Variants in ZNF142 observed in about 807,000 individuals in gnomAD.
The protein encoded by ZNF142 is zinc finger protein 142, also known as zinc finger protein 142 (clone pHZ-49).
ZNF142 carries 96 observed loss-of-function variants against 132.1 expected under a neutral mutation model. The observed-to-expected ratio is 0.73, with a 90% CI of 0.62 to 0.86. The LOEUF is 0.86. Among genes scored for constraint, ZNF142 ranks in the 40% least tolerant of loss-of-function variants. ZNF142 has a pLI of 0.00. For missense variants in ZNF142, 2,163 were observed against 2,336.2 expected, an observed-to-expected ratio of 0.93 and a Z score of 1.53; for synonymous variants, 842 against 890.1, an observed-to-expected ratio of 0.95 and a Z score of 0.96.
In ZNF142 at chr2:218,637,598, C is replaced by T. The variant is rs1696835622; in HGVS notation, c.*741G>A. ...TTTCCATAGTATCCTTGTGCTTTAA[C>T]ACCTTAGTGTAGCTGCTGAGCCAGT... On this transcript the variant is annotated 3_prime_UTR_variant, in exon 11 of 11. Coordinates refer to ENST00000411696, the MANE Select transcript of ZNF142 (RefSeq NM_001379659.1). 6.6e-6 allele frequency among the ~76,000 whole-genome samples: 1 copy of T among 152,212 alleles called. No individual in the cohort carries two copies. The highest frequency in any genetic ancestry group is 2.4e-5 in the African/African-American group (1 of 41,460).
intron 9 of ZNF142, among the ~76,000 whole-genome samples, chr2:218,641,265 GAGA>G (rs1697166386): frequency 2.3e-5 from 1 of 44,226 alleles, no homozygotes; most frequent in African/African-American, 1.0e-4. Context: ...TTTTTTTTTT[GAGA>G]TGGAGTCTCG....
chr2:218,644,958 C>A lies in ZNF142; in HGVS notation c.2158G>T (p.Ala720Ser). The stretch of plus-strand genomic sequence containing the variant: ...TGCAGCTCATACTTCCGCTTGCAGG[C>A]GAAGGCACACACCTCACACATCAGA... ...KSLMCEVCAF[A>S]CKRKYELQKH... Residue 720 changes from alanine (A) to serine (S), a missense_variant, in exon 9 of 11, where the codon GCC becomes TCC. By Grantham distance (99) the Ala-to-Ser change is moderately conservative (BLOSUM62 1). Coordinates refer to ENST00000411696, the MANE Select transcript of ZNF142 (RefSeq NM_001379659.1). The surrounding 1 kb of genome is among the most constrained non-coding windows in gnomAD (Gnocchi z 4.6). 1 of 1,614,134 alleles carries A rather than the reference C, an allele frequency of 6.2e-7. No individual in the cohort carries two copies. Among genetic ancestry groups the A allele is most frequent in the Non-Finnish European group, 8.5e-7 (1 of 1,180,032 alleles).
rs2106217596 is a variant in ZNF142 at position 218,644,110 on chromosome 2, T to C, written c.3006A>G (p.Ser1002=). The C allele has an allele frequency of 2.5e-6, 4 of 1,614,106 alleles. No individual in the cohort carries two copies. The highest frequency in any genetic ancestry group is 3.4e-6 in the Non-Finnish European group (4 of 1,180,000). Residue 1002 remains serine, a synonymous_variant, in exon 9 of 11, where the codon TCA becomes TCG. Transcript: ENST00000411696. The surrounding 1 kb of genome is among the most constrained non-coding windows in gnomAD (Gnocchi z 4.6). ...APLPPLPESE[S]LLKALRRQDK... ...CCTGTCTCCTTAGGGCCTTGAGTAATGACTCTGACTCAGGTAATGGGGGCA... is the reference window on the plus strand; with the variant it reads ...CCTGTCTCCTTAGGGCCTTGAGTAACGACTCTGACTCAGGTAATGGGGGCA...
chr2:218,651,935 GC>G lies in ZNF142; in HGVS notation c.645del (p.Arg215SerfsTer44). ...GGCACAGGAACTGCTCTGTGAGTCT[GC>G]CTCAGGTGGTGCTGCAGACCCTTGC... is the stretch of plus-strand genomic sequence containing the variant. Reference protein sequence around the residue: ...EDRKGLQHHLRQTHRAVPVPC... With the variant: ...EDRKGLQHHLXQTHRAVPVPC... On this transcript the variant is annotated frameshift_variant, in exon 5 of 11. Transcript: ENST00000411696. LOFTEE classifies it high-confidence loss of function. The G allele has an allele frequency of 8.4e-7, 1 of 1,191,538 alleles. No homozygotes were observed. 73.8% of individuals were successfully genotyped at this position (1,191,538 alleles called of 1,614,324 possible). A position where few individuals can be genotyped will look rare whatever the true frequency, so the allele number is the denominator to read the frequency against.
chr2:218,652,967 GT>G (rs1319096443), intron 4 of ZNF142, among the ~76,000 whole-genome samples: 6 of 70,220 alleles, frequency 8.5e-5, no homozygotes, highest in Non-Finnish European at 1.6e-4. Flanking sequence ...GCTCTTTATT[GT>G]TTTTTTTGTT....
Position 218,644,950 on chromosome 2 carries a change from C to A in ZNF142, c.2166G>T (p.Lys722Asn). Residue 722 changes from lysine to asparagine, a missense_variant, in exon 9 of 11, where the codon AAG becomes AAT. This residue lies in a region of ZNF142 where 749 missense variants were observed against 830.3 expected (regional missense o/e 0.90). Coordinates refer to ENST00000411696, the MANE Select transcript of ZNF142 (RefSeq NM_001379659.1). This position sits in a 1 kb window ranked among gnomAD's most constrained non-coding sequence, Gnocchi z 4.6. Reference protein sequence around the residue: ...LMCEVCAFACKRKYELQKHMA... With the variant: ...LMCEVCAFACNRKYELQKHMA... ...TGTGCTTCTGCAGCTCATACTTCCGCTTGCAGGCGAAGGCACACACCTCAC... is the reference window on the plus strand; with the variant it reads ...TGTGCTTCTGCAGCTCATACTTCCGATTGCAGGCGAAGGCACACACCTCAC... The A allele has an allele frequency of 6.2e-7, 1 of 1,614,174 alleles. No individual in the cohort carries two copies.
rs61733649 is a variant in ZNF142 at position 218,656,387 on chromosome 2, C to G, written c.43G>C (p.Gly15Arg). 4 of 1,449,284 alleles carry G rather than the reference C, an allele frequency of 2.8e-6. No individual in the cohort carries two copies. The highest frequency in any genetic ancestry group is 3.7e-6 in the Non-Finnish European group (4 of 1,086,652). 89.8% of individuals were successfully genotyped at this position (1,449,284 alleles called of 1,614,324 possible). A position where few individuals can be genotyped will look rare whatever the true frequency, so the allele number is the denominator to read the frequency against. ...TCAGGGCACAGTCCATCCATCTCCC[C>G]GGTGCTACTGGCTGGCTGTGAGTCC... The part of the protein sequence containing the change: ...LLDSQPASST[G>R]EMDGLCPELL... Residue 15 changes from glycine to arginine, a missense_variant, in exon 4 of 11, where the codon GGG becomes CGG. Around this residue, in one of 7 missense-constraint regions of ZNF142, gnomAD observed 195 missense variants for 172.4 expected, o/e 1.13. Coordinates refer to ENST00000411696, the MANE Select transcript of ZNF142 (RefSeq NM_001379659.1).
chr2:218,644,734 C>A lies in ZNF142; in HGVS notation c.2382G>T (p.Lys794Asn). 1 of 1,614,218 alleles carries A rather than the reference C, an allele frequency of 6.2e-7. No individual in the cohort carries two copies. Among genetic ancestry groups the A allele is most frequent in the Non-Finnish European group, 8.5e-7 (1 of 1,180,046 alleles). Residue 794 changes from lysine (K) to asparagine (N), a missense_variant, in exon 9 of 11, where the codon AAG (lysine) becomes AAT (asparagine). By Grantham distance (94) the Lys-to-Asn change is moderately conservative. Around this residue, in one of 7 missense-constraint regions of ZNF142, gnomAD observed 749 missense variants for 830.3 expected, o/e 0.90. Transcript: ENST00000411696. The surrounding 1 kb of genome is among the most constrained non-coding windows in gnomAD (Gnocchi z 4.6). The part of the protein sequence containing the change: ...SNTTLLFHKR[K>N]AHGYVPGDQA... ...GGTCTCCAGGTACATAGCCATGGGC[C>A]TTGCGTTTATGGAACAAGAGTGTGG...
intron 4 of ZNF142, among the ~76,000 whole-genome samples, chr2:218,653,435 G>C (rs1434815858): frequency 6.6e-6 from 1 of 151,946 alleles, no homozygotes; most frequent in Non-Finnish European, 1.5e-5. Flanking sequence ...AAATTAGCTG[G>C]GCATGGTGGC....
chr2:218,654,757 T>C (rs920171766), intron 4 of ZNF142, among the ~76,000 whole-genome samples: 9 of 150,406 alleles, frequency 6.0e-5, no homozygotes, highest in Admixed American at 2.0e-4. Flanking sequence ...CTTTAGAGCA[T>C]TGCACATAGA....
rs1339714954 is a variant in ZNF142 at position 218,642,671 on chromosome 2, C to G, written c.4445G>C (p.Gly1482Ala). 6.2e-7 allele frequency: 1 copy of G among 1,614,084 alleles called. No individual in the cohort carries two copies. Among genetic ancestry groups the G allele is most frequent in the Admixed American group, 1.7e-5 (1 of 60,022 alleles). The change falls in exon 9 of 11, where the codon GGC becomes GCC. Residue 1482 changes from glycine (G) to alanine (A), a missense_variant. Gly to Ala is a moderately conservative substitution (Grantham distance 60, BLOSUM62 0). Transcript: ENST00000411696. This position sits in a 1 kb window ranked among gnomAD's most constrained non-coding sequence, Gnocchi z 4.6. ...ITRHVNSCHQ[G>A]TPAFACSQCE... ...CTGGGAGCAGGCAAAGGCTGGGGTG[C>G]CTTGGTGGCAGCTGTTGACATGACG... is the stretch of plus-strand genomic sequence containing the variant.
chr2:218,648,752 C>T lies in ZNF142; in HGVS notation c.1756G>A (p.Ala586Thr), dbSNP rs1160733893. ...ATCTTGCCTACATGATCCTGGTAAG[C>T]CACTGGGTTGAAGGTGGCAAAGGGG... ...FCPFATFNPV[A>T]YQDHVGKMHA... Residue 586 changes from alanine to threonine, a missense_variant, in exon 7 of 11, where the codon GCT becomes ACT. Ala to Thr is a moderately conservative substitution (Grantham distance 58). Around this residue, in one of 7 missense-constraint regions of ZNF142, gnomAD observed 749 missense variants for 830.3 expected, o/e 0.90. Transcript: ENST00000411696. 6.2e-7 allele frequency: 1 copy of T among 1,614,226 alleles called. No homozygotes were observed. Among genetic ancestry groups the T allele is most frequent in the Non-Finnish European group, 8.5e-7 (1 of 1,180,038 alleles).
rs200389237 is a variant in ZNF142, at chr2:218,644,856, G to A, written c.2260C>T (p.Arg754Cys). 729 of 1,614,204 alleles carry A rather than the reference G, an allele frequency of 4.5e-4. 2 individuals carry two copies. The highest frequency in any genetic ancestry group is 1.0e-4 in the Non-Finnish European group (119 of 1,180,032). The change falls in exon 9 of 11, where the codon CGC becomes TGC. Residue 754 changes from arginine (R) to cysteine (C), a missense_variant. Coordinates refer to ENST00000411696, the MANE Select transcript of ZNF142 (RefSeq NM_001379659.1). The surrounding 1 kb of genome is among the most constrained non-coding windows in gnomAD (Gnocchi z 4.6). ...TGGCTCAGCACAGCCTGCTTGTGGC[G>A]GCTCTGGTAACTGCAGTAGTGGCAA... ...YPCHYCSYQS[R>C]HKQAVLSHEN...
chr2:218,656,945 A>G (rs936150821), intron 3 of ZNF142, among the ~76,000 whole-genome samples: 5 of 151,530 alleles, frequency 3.3e-5, no homozygotes, highest in Admixed American at 6.6e-5. Context: ...AGCCTCCCCA[A>G]TAGCTGGACT....
Position 218,636,500 on chromosome 2 carries a change from G to C in ZNF142, c.*1839C>G, listed in dbSNP as rs1162656352. The stretch of plus-strand genomic sequence containing the variant: ...CCGCCACATTCACCTGCTGTCCAAA[G>C]ATGGCATCAGCCTCCGCCCAGCTTC... On this transcript the variant is annotated 3_prime_UTR_variant, in exon 11 of 11. Transcript: ENST00000411696. The C allele has an allele frequency of 2.5e-6, 4 of 1,614,006 alleles. No homozygotes were observed. In the East Asian group the frequency reaches 8.9e-5, roughly 36 times the overall value.
chr2:218,638,612 C>T lies in ZNF142; in HGVS notation c.5391G>A (p.Val1797=). ...HSEAKPYVCN[V]CHRAFRWAAG... Reference sequence around the variant, plus strand: ...CAGCCCAGCGGAAAGCACGGTGGCACACATTGCACACATAGGGTTTGGCCT... The same window carrying T: ...CAGCCCAGCGGAAAGCACGGTGGCATACATTGCACACATAGGGTTTGGCCT... The change falls in exon 11 of 11, where the codon GTG becomes GTA. Residue 1797 remains valine (V), a synonymous_variant. Coordinates refer to ENST00000411696, the MANE Select transcript of ZNF142 (RefSeq NM_001379659.1). 3 of 1,614,170 alleles carry T rather than the reference C, an allele frequency of 1.9e-6. No individual in the cohort carries two copies. The highest frequency in any genetic ancestry group is 2.5e-6 in the Non-Finnish European group (3 of 1,179,994).
chr2:218,638,173 G>T lies in ZNF142; in HGVS notation c.*166C>A. 1.9e-6 allele frequency: 1 copy of T among 530,202 alleles called. No individual in the cohort carries two copies. Among genetic ancestry groups the T allele is most frequent in the Non-Finnish European group, 3.0e-6 (1 of 336,952 alleles). The allele number at this position is 530,202 out of a possible 1,614,324, so 32.8% of individuals were successfully genotyped here. A position where few individuals can be genotyped will look rare whatever the true frequency, so the allele number is the denominator to read the frequency against. Reference sequence around the variant, plus strand: ...TAGTCCATGTCCCTCTTTTATATGGGTGATAATTTCAAAGTACTATAGCCA... The same window carrying T: ...TAGTCCATGTCCCTCTTTTATATGGTTGATAATTTCAAAGTACTATAGCCA... On this transcript the variant is annotated 3_prime_UTR_variant, in exon 11 of 11. Coordinates refer to ENST00000411696, the MANE Select transcript of ZNF142 (RefSeq NM_001379659.1).
rs773576685 is a variant in ZNF142, at chr2:218,634,574, T to G, written c.*3765A>C. The G allele has an allele frequency of 1.2e-6, 2 of 1,614,044 alleles. No individual in the cohort carries two copies. Among genetic ancestry groups the G allele is most frequent in the Non-Finnish European group, 1.7e-6 (2 of 1,179,904 alleles). Reference sequence around the variant, plus strand: ...AGACTTCCTGCGTGATATCCAGAGTTCTTTCCACCCTGAGAAGCCCATCAG... The same window carrying G: ...AGACTTCCTGCGTGATATCCAGAGTGCTTTCCACCCTGAGAAGCCCATCAG... On this transcript the variant is annotated 3_prime_UTR_variant, in exon 11 of 11. Transcript: ENST00000411696. The surrounding 1 kb of genome is among the most constrained non-coding windows in gnomAD (Gnocchi z 4.0).
rs767213209 is a variant in ZNF142 at position 218,643,290 on chromosome 2, A to C, written c.3826T>G (p.Ser1276Ala). The change falls in exon 9 of 11, where the codon TCT becomes GCT. Residue 1276 changes from serine to alanine, a missense_variant. Physicochemically the swap from Ser to Ala is moderately conservative, Grantham distance 99. Around this residue, in one of 7 missense-constraint regions of ZNF142, gnomAD observed 809 missense variants for 801.7 expected, o/e 1.01. Coordinates refer to ENST00000411696, the MANE Select transcript of ZNF142 (RefSeq NM_001379659.1). ...PDVSPLSNGD[S>A]APPKNGSTES... ...GTACTCCCATTCTTCGGGGGAGCAG[A>C]GTCCCCATTGCTCAACGGGGACACA... 4 of 1,614,096 alleles carry C rather than the reference A, an allele frequency of 2.5e-6. No individual in the cohort carries two copies. Among genetic ancestry groups the C allele is most frequent in the Non-Finnish European group, 3.4e-6 (4 of 1,180,048 alleles).
Sources: allele counts gnomAD v4.1 joint callset (sites outside exome capture counted in the v4.1 genomes callset), GRCh38; gene constraint gnomAD v4.1.1; regional missense constraint gnomAD v4.1.1; non-coding constraint Gnocchi (gnomAD v3.1); transcripts MANE v1.5; gene names NCBI Gene and HGNC (gene_info 2026-07-23, HGNC 2026-07-21).